The following GPI variants were observed in gnomAD, a reference collection of about 807,000 sequenced individuals.
The protein encoded by GPI is D-hexose-6-phosphate anomerase.
A neutral mutation model predicts 75.8 loss-of-function variants in GPI; 56 were observed. The ratio of observed to expected loss-of-function variants is 0.74; its 90% CI spans 0.60 to 0.92. The LOEUF (loss-of-function observed/expected upper bound fraction) is 0.92. Among genes scored for constraint, GPI ranks in the 40% least tolerant of loss-of-function variants. The pLI is 0.00. For missense variants in GPI, 638 were observed against 741.0 expected, an observed-to-expected ratio of 0.86 and a Z score of 1.61; for synonymous variants, 288 against 285.4, an observed-to-expected ratio of 1.01 and a Z score of -0.09.
At chr19:34,399,672 G>T in intron 16 of GPI, 41 bp downstream of exon 16, 1 of 1,613,426 alleles carries the variant, frequency 6.2e-7, no homozygotes, top group Admixed American at 1.7e-5. Context: ...GGGTAGGTTG[G>T]AATGGGCTTG....
At chr19:34,377,958 C>T (rs2074575722) in intron 6 of GPI, 77 bp downstream of exon 6, 1 of 1,486,338 alleles carries the variant, frequency 6.7e-7, no homozygotes, top group South Asian at 1.1e-5. Flanking sequence ...TTGCCATCCC[C>T]CTGGCCATTG....
At chr19:34,387,062 C>A (rs1168689497) in intron 9 of GPI, among the ~76,000 whole-genome samples, 1 of 152,120 alleles carries the variant, frequency 6.6e-6, no homozygotes, top group African/African-American at 2.4e-5. Flanking sequence ...AAAGCTGGAC[C>A]CTGGGAGGCT....
chr19:34,365,639 C>T (rs528503617), intron 1 of GPI: 5 of 663,632 alleles, frequency 7.5e-6, no homozygotes, highest in South Asian at 6.0e-5. Context: ...CGGGCCCCTC[C>T]GTGGGGACAT....
chr19:34,394,567 C>T (rs549711662), intron 12 of GPI, among the ~76,000 whole-genome samples: 1 of 13,442 alleles, frequency 7.4e-5, no homozygotes, highest in South Asian at 1.9e-3. Flanking sequence ...GCCTTTATCC[C>T]TCCAGAAAAG....
intron 9 of GPI, among the ~76,000 whole-genome samples, chr19:34,388,490 G>A (rs1409634318): frequency 7.7e-6 from 1 of 129,084 alleles, no homozygotes; most frequent in African/African-American, 3.4e-5. Context: ...AAAAAAGAAA[G>A]TGAGTAAAGT....
intron 8 of GPI, among the ~76,000 whole-genome samples, chr19:34,380,164 T>C (rs1199464558): frequency 6.6e-6 from 1 of 151,330 alleles, no homozygotes; most frequent in Non-Finnish European, 1.5e-5. Context: ...GCCCAGCTAT[T>C]TTCGTATTTT....
Position 34,365,202 on chromosome 19 carries a change from T to A in GPI, c.-65T>A. The A allele has an allele frequency of 1.0e-5, 14 of 1,394,560 alleles. No homozygotes were observed. The highest frequency in any genetic ancestry group is 1.7e-5 in the South Asian group (1 of 57,358). 86.4% of individuals were successfully genotyped at this position (1,394,560 alleles called of 1,614,324 possible). On this transcript the variant is annotated 5_prime_UTR_variant, in exon 1 of 18. Coordinates refer to ENST00000356487, the MANE Select transcript of GPI (RefSeq NM_000175.5). ...CCGCGCGCCCACGCGCCTCGCTTGCTGCGCGCTGCCGGCGCTCCTTCCTCC... is the reference window on the plus strand; with the variant it reads ...CCGCGCGCCCACGCGCCTCGCTTGCAGCGCGCTGCCGGCGCTCCTTCCTCC...
chr19:34,384,974 C>T (rs1193813156), intron 9 of GPI, among the ~76,000 whole-genome samples: 1 of 145,286 alleles, frequency 6.9e-6, no homozygotes, highest in Non-Finnish European at 1.5e-5. Flanking sequence ...ACTGGGGAGG[C>T]AGAGTGAGCC....
chr19:34,391,251 G>A (rs201972874), intron 9 of GPI, among the ~76,000 whole-genome samples: 4 of 538 alleles, frequency 7.4e-3, no homozygotes, highest in African/African-American at 0.02. Flanking sequence ...AGGTGGGATC[G>A]GGTCCTGGTA....
intron 4 of GPI, among the ~76,000 whole-genome samples, chr19:34,369,002 G>A (rs2074409616): frequency 6.6e-6 from 1 of 152,044 alleles, no homozygotes. Context: ...ATGAAAAGTG[G>A]GGCCCCTGAG....
chr19:34,365,217 C>A lies in GPI; in HGVS notation c.-50C>A. 2 of 1,421,028 alleles carry A rather than the reference C, an allele frequency of 1.4e-6. No homozygotes were observed. The highest frequency in any genetic ancestry group is 1.9e-6 in the Non-Finnish European group (2 of 1,080,790). 88.0% of individuals were successfully genotyped at this position (1,421,028 alleles called of 1,614,324 possible). A position where few individuals can be genotyped will look rare whatever the true frequency, so the allele number is the denominator to read the frequency against. ...CCTCGCTTGCTGCGCGCTGCCGGCG[C>A]TCCTTCCTCCTCGGCTCGCGTCTCA... On this transcript the variant is annotated 5_prime_UTR_variant, in exon 1 of 18. Transcript: ENST00000356487.
rs970561509 is a variant in GPI, at chr19:34,400,381, G to A, written c.*345G>A. The A allele has an allele frequency of 2.5e-5, 15 of 598,080 alleles. No individual in the cohort carries two copies. In the South Asian group the frequency reaches 2.7e-4, roughly 11 times the overall value. The allele number at this position is 598,080 out of a possible 1,614,324, so 37.0% of individuals were successfully genotyped here. Reference sequence around the variant, plus strand: ...TTTTCCTGTGATGGTGCTTTATGTAGCAGAGGGCAGGAGCGCTCAGCAGGA... The same window carrying A: ...TTTTCCTGTGATGGTGCTTTATGTAACAGAGGGCAGGAGCGCTCAGCAGGA... On this transcript the variant is annotated 3_prime_UTR_variant, in exon 18 of 18. Transcript: ENST00000356487.
In GPI at chr19:34,393,135, G is replaced by T; in HGVS notation, c.805-113G>T. 2 of 829,972 alleles carry T rather than the reference G, an allele frequency of 2.4e-6. No homozygotes were observed. The highest frequency in any genetic ancestry group is 1.3e-5 in the South Asian group (1 of 74,228). The allele number at this position is 829,972 out of a possible 1,614,324, so 51.4% of individuals were successfully genotyped here. A position where few individuals can be genotyped will look rare whatever the true frequency, so the allele number is the denominator to read the frequency against. On this transcript the variant is annotated intron_variant, in intron 9 of 17. Transcript: ENST00000356487. The surrounding 1 kb of genome is among the most constrained non-coding windows in gnomAD (Gnocchi z 4.4). ...CTGCCTTGCTTCCTGGAGGTGGGTT[G>T]GGCCAGGGCCCTCCGAGACGCCCCT...
rs533083346 is a variant in GPI, at chr19:34,374,029, G to A, written c.403-3474G>A. ...GTCACCCAGGCCAGAGTACAATGGC[G>A]TGATCTTGGCTCACTGCAACCTCCG... is the stretch of plus-strand genomic sequence containing the variant. On this transcript the variant is annotated intron_variant, in intron 4 of 17. Transcript: ENST00000356487. Among the ~76,000 whole-genome samples, 446 of 151,848 alleles carry A rather than the reference G, an allele frequency of 2.9e-3. 1 individual carries two copies. Among genetic ancestry groups the A allele is most frequent in the Non-Finnish European group, 4.8e-3 (329 of 68,002 alleles).
Position 34,384,304 on chromosome 19 carries a change from G to A in GPI, c.804+2785G>A, listed in dbSNP as rs371393078. Among the ~76,000 whole-genome samples the A allele has an allele frequency of 3.9e-4, 59 of 152,284 alleles. 1 individual carries two copies. The South Asian group carries it at 0.012, about 30-fold the overall frequency. On this transcript the variant is annotated intron_variant, in intron 9 of 17. Coordinates refer to ENST00000356487, the MANE Select transcript of GPI (RefSeq NM_000175.5). ...TGGATGAAGCCTGGGTCTGGTCGAGGTACGTAGAGCAGATCTAGCAGGCGA... is the reference window on the plus strand; with the variant it reads ...TGGATGAAGCCTGGGTCTGGTCGAGATACGTAGAGCAGATCTAGCAGGCGA...
At chr19:34,398,321 C>A (rs1599859349) in intron 14 of GPI, 3 of 152,340 alleles carry the variant, frequency 2.0e-5, no homozygotes, top group Admixed American at 6.5e-5. Flanking sequence ...GTGTGCAGAG[C>A]AGCACAGGGT....
chr19:34,399,302 T>G lies in GPI; in HGVS notation c.1365T>G (p.Ser455Arg). The G allele has an allele frequency of 5.0e-6, 8 of 1,613,712 alleles. No individual in the cohort carries two copies. Among genetic ancestry groups the G allele is most frequent in the Non-Finnish European group, 6.8e-6 (8 of 1,179,936 alleles). The change falls in exon 15 of 18, where the codon AGT (serine) becomes AGG (arginine). Residue 455 changes from serine to arginine, a missense_variant. By Grantham distance (110) the Ser-to-Arg change is moderately radical. Coordinates refer to ENST00000356487, the MANE Select transcript of GPI (RefSeq NM_000175.5). ...ARKELQAAGK[S>R]PEDLERLLPH... ...AGGAGCTCCAGGCTGCGGGCAAGAGTCCAGAGGACCTTGAGAGGCTGCTGC... is the reference window on the plus strand; with the variant it reads ...AGGAGCTCCAGGCTGCGGGCAAGAGGCCAGAGGACCTTGAGAGGCTGCTGC...
At position 34,400,323 on chromosome 19, in the gene GPI, G is replaced by A. The variant is rs1026558764; in HGVS notation, c.*287G>A. On this transcript the variant is annotated 3_prime_UTR_variant, in exon 18 of 18. Transcript: ENST00000356487. Reference sequence around the variant, plus strand: ...CCATGTAGAAAAATAAAGATGCCACGGAGGAGGTTGTAGGCTCAGCCTCTG... The same window carrying A: ...CCATGTAGAAAAATAAAGATGCCACAGAGGAGGTTGTAGGCTCAGCCTCTG... 4.7e-5 allele frequency: 28 copies of A among 596,276 alleles called. No homozygotes were observed. The highest frequency in any genetic ancestry group is 4.4e-4 in the Admixed American group (15 of 33,800). 36.9% of individuals were successfully genotyped at this position (596,276 alleles called of 1,614,324 possible). A position where few individuals can be genotyped will look rare whatever the true frequency, so the allele number is the denominator to read the frequency against.
intron 3 of GPI, 25 bp downstream of exon 3, chr19:34,366,876 G>A (rs779025567): frequency 6.6e-7 from 1 of 1,520,994 alleles, no homozygotes; most frequent in East Asian, 2.3e-5. Flanking sequence ...CATACCCTCT[G>A]GGGCCTCCTT....
Sources: gnomAD v4.1 joint callset for allele counts (sites outside exome capture counted in the v4.1 genomes callset) on GRCh38, gnomAD v4.1.1 for gene constraint, Gnocchi (gnomAD v3.1) non-coding constraint, MANE v1.5 for transcripts, NCBI Gene and HGNC (gene_info 2026-07-23, HGNC 2026-07-21) for gene names.